Variants in PCDHA5 observed in about 807,000 individuals in gnomAD.
The protein encoded by PCDHA5 is protocadherin alpha 5.
In PCDHA5, 43 loss-of-function variants were observed where a neutral mutation model predicts 61.6. The ratio of observed to expected loss-of-function variants is 0.70; its 90% CI spans 0.55 to 0.90. PCDHA5 has a LOEUF of 0.90. Ranked by LOEUF, PCDHA5 falls within the 40% of genes least tolerant of loss-of-function variation. The pLI, the probability that PCDHA5 is intolerant of heterozygous loss-of-function variation, is 0.00. For synonymous variants in PCDHA5, 627 were observed against 543.9 expected (o/e 1.15, Z -2.13); for missense variants, 1,298 against 1,222.7 (o/e 1.06, Z -0.92).
chr5:140,830,363 G>T, intron 1 of PCDHA5: 1 of 1,614,138 alleles, frequency 6.2e-7, no homozygotes, highest in Non-Finnish European at 8.5e-7. Flanking sequence ...GCGGCAGAGG[G>T]TGTGCTCCGG....
chr5:140,881,099 C>G (rs1554171750), intron 1 of PCDHA5, among the ~76,000 whole-genome samples: 1 of 152,108 alleles, frequency 6.6e-6, no homozygotes, highest in East Asian at 1.9e-4. Flanking sequence ...TTCATTACAC[C>G]ATTTGGCCTG....
At chr5:140,920,388 T>C (rs1237249131) in intron 1 of PCDHA5, among the ~76,000 whole-genome samples, 1 of 152,214 alleles carries the variant, frequency 6.6e-6, no homozygotes, top group Non-Finnish European at 1.5e-5. Context: ...CATATTACCA[T>C]CTGGTGTCTT....
At chr5:140,968,591 G>A (rs1289458266) in intron 1 of PCDHA5, 3 of 1,614,098 alleles carry the variant, frequency 1.9e-6, no homozygotes, top group Non-Finnish European at 2.5e-6. Flanking sequence ...CAAAGTCATA[G>A]CTATGGACTC....
At chr5:140,826,012 A>G (rs1554130428) in intron 1 of PCDHA5, among the ~76,000 whole-genome samples, 3 of 152,212 alleles carry the variant, frequency 2.0e-5, no homozygotes, top group Non-Finnish European at 4.4e-5. Context: ...CACACTTTAC[A>G]TGATAAAATG....
intron 1 of PCDHA5, chr5:140,870,192 G>C: frequency 1.9e-6 from 3 of 1,614,158 alleles, no homozygotes; most frequent in Non-Finnish European, 2.5e-6. Context: ...AGGACGCTCA[G>C]CCCAGCACGG....
At chr5:140,917,650 T>C (rs897307157) in intron 1 of PCDHA5, among the ~76,000 whole-genome samples, 1 of 152,226 alleles carries the variant, frequency 6.6e-6, no homozygotes. Context: ...CCAGCAATAT[T>C]GAGTAGGAAG....
chr5:140,943,276 AAG>A (rs1491082610), intron 1 of PCDHA5, among the ~76,000 whole-genome samples: 3,151 of 135,552 alleles, frequency 0.023, 213 homozygotes, highest in African/African-American at 0.087. Flanking sequence ...AAAAAAAAAA[AAG>A]AAAGAAAGAA....
chr5:140,961,435 C>T (rs1554225413), intron 1 of PCDHA5, among the ~76,000 whole-genome samples: 1 of 152,174 alleles, frequency 6.6e-6, no homozygotes, highest in Non-Finnish European at 1.5e-5. Flanking sequence ...TACAAAATCA[C>T]CTAACTACAC....
chr5:140,920,766 C>T (rs370765138), intron 1 of PCDHA5, among the ~76,000 whole-genome samples: 66 of 151,878 alleles, frequency 4.3e-4, no homozygotes, highest in African/African-American at 1.6e-3. Context: ...ATTGCTTACA[C>T]CTGGGAGGTG....
At chr5:140,874,427 A>T (rs2054903457) in intron 1 of PCDHA5, among the ~76,000 whole-genome samples, 1 of 152,212 alleles carries the variant, frequency 6.6e-6, no homozygotes, top group African/African-American at 2.4e-5. Context: ...TTCTGAAGAG[A>T]AGCATGTCCT....
chr5:140,835,478 A>C (rs2150236474), intron 1 of PCDHA5: 1 of 1,613,896 alleles, frequency 6.2e-7, no homozygotes, highest in South Asian at 1.1e-5. Context: ...ACGCCCAACC[A>C]GGTACCGTCA....
At chr5:140,898,624 A>G (rs1374108541) in intron 1 of PCDHA5, among the ~76,000 whole-genome samples, 13 of 152,248 alleles carry the variant, frequency 8.5e-5, no homozygotes, top group African/African-American at 2.6e-4. Flanking sequence ...CAGGTAGCAT[A>G]ATGCCTCCAG....
At chr5:140,877,924 A>T in intron 1 of PCDHA5, 1 of 1,419,290 alleles carries the variant, frequency 7.0e-7, no homozygotes, top group Non-Finnish European at 9.3e-7. Flanking sequence ...ATTTTTCTTT[A>T]TGATTCTATC....
Position 140,845,987 on chromosome 5 carries a change from T to C in PCDHA5, c.2352+21860T>C, listed in dbSNP as rs1259118167. 7.3e-5 allele frequency among the ~76,000 whole-genome samples: 11 copies of C among 149,774 alleles called. 1 individual carries two copies. Among genetic ancestry groups the C allele is most frequent in the Admixed American group, 4.7e-4 (7 of 14,964 alleles). On this transcript the variant is annotated intron_variant, in intron 1 of 3. Coordinates refer to ENST00000529859, the MANE Select transcript of PCDHA5 (RefSeq NM_018908.3). ...TAGGATGTTTCAATATTTTGAATGT[T>C]GTGTGGTGGAATGAAAAAAATCTAA...
intron 1 of PCDHA5, among the ~76,000 whole-genome samples, chr5:140,958,131 G>A (rs1164407997): frequency 3.9e-5 from 6 of 152,076 alleles, no homozygotes; most frequent in African/African-American, 1.4e-4. Context: ...AAATGTATCA[G>A]TGTGTATATT....
intron 1 of PCDHA5, among the ~76,000 whole-genome samples, chr5:140,874,303 C>T (rs1299985366): frequency 6.6e-6 from 1 of 152,088 alleles, no homozygotes. Flanking sequence ...TACTTGTTCA[C>T]AATGAGTTGT....
chr5:140,876,961 C>G (rs782051302), intron 1 of PCDHA5: 16 of 1,613,036 alleles, frequency 9.9e-6, no homozygotes, highest in South Asian at 8.8e-5. Context: ...GCTGGTGGAG[C>G]GGCGGGTGGG....
At chr5:140,947,299 C>T (rs547529076) in intron 1 of PCDHA5, among the ~76,000 whole-genome samples, 1 of 151,554 alleles carries the variant, frequency 6.6e-6, no homozygotes, top group South Asian at 2.1e-4. Context: ...ATTATCTTGA[C>T]ATCTTTGTAA....
At chr5:141,003,221 G>A (rs2098116088) in intron 3 of PCDHA5, among the ~76,000 whole-genome samples, 1 of 152,206 alleles carries the variant, frequency 6.6e-6, no homozygotes, top group Admixed American at 6.5e-5. Flanking sequence ...GCATGAAAGA[G>A]GAAAGCTGGA....
Sources: gnomAD v4.1 joint callset for allele counts (sites outside exome capture counted in the v4.1 genomes callset) on GRCh38, gnomAD v4.1.1 for gene constraint, MANE v1.5 for transcripts, NCBI Gene and HGNC (gene_info 2026-07-23, HGNC 2026-07-21) for gene names.